Variants in RGS6 observed in about 807,000 individuals in gnomAD.
RGS6 encodes the protein regulator of G-protein signaling 6.
In RGS6, 30 loss-of-function variants were observed where a neutral mutation model predicts 78.5. That is an observed-to-expected ratio of 0.38 (90% confidence interval 0.29 to 0.52). The LOEUF (loss-of-function observed/expected upper bound fraction) is 0.52, where lower values mean the gene tolerates loss of function less well. RGS6 is among the 20% of genes least tolerant of loss of function. The pLI is 0.85. For missense variants in RGS6, 495 were observed against 609.7 expected, an observed-to-expected ratio of 0.81 and a Z score of 1.98; for synonymous variants, 206 against 206.0, an observed-to-expected ratio of 1.00 and a Z score of 0.00.
the RGS6 span, among the ~76,000 whole-genome samples, chr14:71,895,457 G>C: frequency 6.6e-6 from 1 of 152,292 alleles, no homozygotes; most frequent in East Asian, 1.9e-4. Context: ...AAAGTGCTGG[G>C]ATTACAGGCA....
rs2045605860 is a variant in RGS6, at chr14:72,216,486, TC to T, written c.85-135606del. On this transcript the variant is annotated intron_variant, in intron 2 of 17. Coordinates refer to ENST00000553525, the MANE Select transcript of RGS6 (RefSeq NM_001204424.2). ...TCTTGTTACTAAGAGGACAGAGGAA[TC>T]CCTACCATGTAGGGTAAATTTCTTT... Among the ~76,000 whole-genome samples, 12 of 152,292 alleles carry T rather than the reference TC, an allele frequency of 7.9e-5. No homozygotes were observed. The South Asian group carries it at 2.5e-3, about 32-fold the overall frequency.
At chr14:72,493,815 G>A (rs1470741632) in intron 12 of RGS6, among the ~76,000 whole-genome samples, 1 of 151,792 alleles carries the variant, frequency 6.6e-6, no homozygotes, top group South Asian at 2.1e-4. Flanking sequence ...AAAGGAAAGA[G>A]ATTTTTCACC....
chr14:72,094,445 A>G (rs943019585), intron 2 of RGS6, among the ~76,000 whole-genome samples: 1 of 152,306 alleles, frequency 6.6e-6, no homozygotes, highest in Non-Finnish European at 1.5e-5. Context: ...TCAGAGACAA[A>G]TGACCTTGCT....
intron 3 of RGS6, among the ~76,000 whole-genome samples, chr14:72,391,102 C>G (rs1403851452): frequency 6.6e-6 from 1 of 152,162 alleles, no homozygotes. Context: ...GGACAAACAG[C>G]TTTTCTTAGA....
intron 3 of RGS6, among the ~76,000 whole-genome samples, chr14:72,354,090 G>A (rs1056089964): frequency 2.0e-5 from 3 of 152,140 alleles, no homozygotes; most frequent in Non-Finnish European, 4.4e-5. Context: ...AGACCCAGTT[G>A]AAGTAAGTAT....
intron 3 of RGS6, among the ~76,000 whole-genome samples, chr14:72,361,909 C>A (rs1412655291): frequency 6.6e-6 from 1 of 152,020 alleles, no homozygotes; most frequent in Non-Finnish European, 1.5e-5. Context: ...CCTGTAAACC[C>A]CATGGTATAT....
intron 2 of RGS6, among the ~76,000 whole-genome samples, chr14:72,122,787 T>G (rs1471397873): frequency 6.6e-6 from 1 of 151,960 alleles, no homozygotes; most frequent in Non-Finnish European, 1.5e-5. Flanking sequence ...GAATCTTTTT[T>G]ATGCTTAAGG....
chr14:72,401,539 C>T lies in RGS6; in HGVS notation c.184+49345C>T, dbSNP rs141385936. Among the ~76,000 whole-genome samples the T allele has an allele frequency of 2.7e-3, 407 of 151,558 alleles. 1 individual carries two copies. Among genetic ancestry groups the T allele is most frequent in the African/African-American group, 9.3e-3 (382 of 41,276 alleles). ...GGGAAAGGGCAAAGAATGAGAAGAG[C>T]TGGACTGGGCAACTCTCATGTGACC... On this transcript the variant is annotated intron_variant, in intron 3 of 17. Transcript: ENST00000553525.
intron 2 of RGS6, among the ~76,000 whole-genome samples, chr14:72,189,055 T>G (rs552426292): frequency 1.3e-5 from 2 of 152,294 alleles, no homozygotes; most frequent in East Asian, 3.9e-4. Flanking sequence ...AGCAAACATT[T>G]CCCGTACAGG....
At chr14:71,933,928 A>G (rs769844501) in intron 1 of RGS6, among the ~76,000 whole-genome samples, 17 of 152,158 alleles carry the variant, frequency 1.1e-4, no homozygotes, top group African/African-American at 3.1e-4. Context: ...TTGTGTGTGT[A>G]TGGTCTGTCA....
chr14:71,925,823 C>T, the RGS6 span, among the ~76,000 whole-genome samples: 11,288 of 151,200 alleles, frequency 0.075, 461 homozygotes, highest in Non-Finnish European at 0.091. Context: ...TTGATTACTA[C>T]AGCTTACAAA....
chr14:72,201,033 C>T (rs543323725), intron 2 of RGS6, among the ~76,000 whole-genome samples: 30 of 150,360 alleles, frequency 2.0e-4, no homozygotes, highest in African/African-American at 7.3e-4. Flanking sequence ...CCACAGCCTT[C>T]TTAGCCAGCC....
chr14:72,188,408 A>C (rs903869604), intron 2 of RGS6, among the ~76,000 whole-genome samples: 1 of 152,150 alleles, frequency 6.6e-6, no homozygotes. Flanking sequence ...TGACGTGAGG[A>C]TCTCATGAGC....
intron 17 of RGS6, among the ~76,000 whole-genome samples, chr14:72,557,223 A>T (rs993525577): frequency 6.7e-6 from 1 of 148,818 alleles, no homozygotes; most frequent in Admixed American, 6.7e-5. Context: ...AGAAATAGAG[A>T]ATTTAAAAAG....
intron 2 of RGS6, among the ~76,000 whole-genome samples, chr14:72,233,526 C>T (rs912336311): frequency 6.6e-6 from 1 of 152,230 alleles, no homozygotes; most frequent in Non-Finnish European, 1.5e-5. Context: ...CTTCCACAGC[C>T]TCTGCATATG....
At chr14:72,442,034 C>T (rs887447463) in intron 3 of RGS6, among the ~76,000 whole-genome samples, 1 of 152,204 alleles carries the variant, frequency 6.6e-6, no homozygotes, top group African/African-American at 2.4e-5. Context: ...GAAATGTTTG[C>T]ATCCTGATGC....
chr14:72,044,625 C>T (rs2092689760), intron 2 of RGS6, among the ~76,000 whole-genome samples: 1 of 152,090 alleles, frequency 6.6e-6, no homozygotes, highest in Admixed American at 6.6e-5. Flanking sequence ...AATCCCAGCA[C>T]TTTGGGAGGC....
chr14:71,871,273 C>A, the RGS6 span, among the ~76,000 whole-genome samples: 1 of 152,052 alleles, frequency 6.6e-6, no homozygotes, highest in African/African-American at 2.4e-5. Context: ...AGGGGACATC[C>A]CAAACCAGGG....
chr14:72,470,186 G>A, intron 8 of RGS6, 103 bp downstream of exon 8: 1 of 840,696 alleles, frequency 1.2e-6, no homozygotes, highest in African/African-American at 1.7e-5. Flanking sequence ...GATGGCGTTA[G>A]TATTTCTAAT....
Sources: allele counts gnomAD v4.1 joint callset (sites outside exome capture counted in the v4.1 genomes callset), GRCh38; gene constraint gnomAD v4.1.1; transcripts MANE v1.5; gene names NCBI Gene and HGNC (gene_info 2026-07-23, HGNC 2026-07-21).